The following CEP164 variants were observed in gnomAD, a reference collection of about 807,000 sequenced individuals.
The protein encoded by CEP164 is centrosomal protein of 164 kDa.
A neutral mutation model predicts 182.7 loss-of-function variants in CEP164; 162 were observed. The ratio of observed to expected loss-of-function variants is 0.89; its 90% CI spans 0.78 to 1.01. CEP164 has a LOEUF of 1.01. Among genes scored for constraint, CEP164 ranks in the 50% least tolerant of loss-of-function variants. The pLI is 0.00. For synonymous variants in CEP164, 661 were observed against 690.0 expected, an observed-to-expected ratio of 0.96 and a Z score of 0.66; for missense variants, 1,735 against 1,790.4, an observed-to-expected ratio of 0.97 and a Z score of 0.56.
chr11:117,412,114 C>A lies in CEP164; in HGVS notation c.4329C>A (p.Ser1443Arg). Residue 1443 changes from serine (S) to arginine (R), a missense_variant, in exon 33 of 33, where the codon AGC becomes AGA. Ser to Arg is a moderately radical substitution (Grantham distance 110, BLOSUM62 -1). Coordinates refer to ENST00000278935, the MANE Select transcript of CEP164 (RefSeq NM_014956.5). ...SSTPKPKATLSLLQLGLDEHN... is the reference protein window; with the variant it reads ...SSTPKPKATLRLLQLGLDEHN... ...CACCCAAGCCAAAAGCTACTTTGAG[C>A]CTCCTGCAGCTGGGCCTTGATGAGC... 1 of 1,614,188 alleles carries A rather than the reference C, an allele frequency of 6.2e-7. No individual in the cohort carries two copies. The highest frequency in any genetic ancestry group is 8.5e-7 in the Non-Finnish European group (1 of 1,180,028).
intron 30 of CEP164, chr11:117,410,611 G>T (rs1158796780): frequency 6.2e-6 from 3 of 481,840 alleles, no homozygotes; most frequent in Non-Finnish European, 1.1e-5. Context: ...GGCATTTGAG[G>T]GGAAACAAAA....
At chr11:117,356,517 A>T (rs999996331) in intron 5 of CEP164, 5 of 1,289,092 alleles carry the variant, frequency 3.9e-6, no homozygotes, top group African/African-American at 1.5e-5. Context: ...CAGCAAGCCC[A>T]TTTCCAGCCA....
At chr11:117,356,576 G>A (rs1380117346) in intron 5 of CEP164, 1 of 1,288,916 alleles carries the variant, frequency 7.8e-7, no homozygotes, top group East Asian at 5.6e-5. Flanking sequence ...CTCCAGCAGA[G>A]GGCTTACTAC....
At position 117,412,104 on chromosome 11, in the gene CEP164, C is replaced by A. The variant is rs993976062; in HGVS notation, c.4319C>A (p.Ala1440Asp). The A allele has an allele frequency of 2.5e-6, 4 of 1,614,058 alleles. No individual in the cohort carries two copies. The highest frequency in any genetic ancestry group is 3.4e-6 in the Non-Finnish European group (4 of 1,180,042). Reference sequence around the variant, plus strand: ...TTCTCGTCAACACCCAAGCCAAAAGCTACTTTGAGCCTCCTGCAGCTGGGC... The same window carrying A: ...TTCTCGTCAACACCCAAGCCAAAAGATACTTTGAGCCTCCTGCAGCTGGGC... Reference protein sequence around the residue: ...PLFSSTPKPKATLSLLQLGLD... With the variant: ...PLFSSTPKPKDTLSLLQLGLD... Residue 1440 changes from alanine (A) to aspartate (D), a missense_variant, in exon 33 of 33, where the codon GCT (alanine) becomes GAT (aspartate). Physicochemically the swap from Ala to Asp is moderately radical, Grantham distance 126. Transcript: ENST00000278935.
At chr11:117,379,384 C>T (rs968955599) in intron 11 of CEP164, among the ~76,000 whole-genome samples, 5 of 152,178 alleles carry the variant, frequency 3.3e-5, no homozygotes, top group Admixed American at 6.5e-5. Context: ...GGGGACCCTA[C>T]TGGGAAAGAT....
rs768274034 is a variant in CEP164 at position 117,409,751 on chromosome 11, C to G, written c.3882C>G (p.Leu1294=). ...SLNPQSPPPL[L]ASMPAQLPPR... ...ACCCTCAGTCGCCGCCGCCGCTCCT[C>G]GCCTCCATGCCAGCCCAGCTCCCTC... is the stretch of plus-strand genomic sequence containing the variant. Residue 1294 remains leucine (L), a synonymous_variant, in exon 30 of 33, where the codon CTC becomes CTG. Coordinates refer to ENST00000278935, the MANE Select transcript of CEP164 (RefSeq NM_014956.5). The surrounding 1 kb of genome is among the most constrained non-coding windows in gnomAD (Gnocchi z 4.4). The G allele has an allele frequency of 1.2e-6, 2 of 1,614,046 alleles. No homozygotes were observed. Among genetic ancestry groups the G allele is most frequent in the Non-Finnish European group, 1.7e-6 (2 of 1,179,952 alleles).
At chr11:117,352,103 A>G in intron 5 of CEP164, 115 bp downstream of exon 5, 1 of 853,044 alleles carries the variant, frequency 1.2e-6, no homozygotes, top group South Asian at 1.8e-5. Context: ...AATATGGTAA[A>G]TTCTTGATAG....
At chr11:117,372,697 G>A (rs1228734492) in intron 9 of CEP164, among the ~76,000 whole-genome samples, 15 of 152,162 alleles carry the variant, frequency 9.9e-5, no homozygotes, top group Admixed American at 5.2e-4. Context: ...GATTACAGGC[G>A]TGAGCCACTG....
upstream of CEP164, among the ~76,000 whole-genome samples, chr11:117,324,578 A>G (rs990713298): frequency 6.6e-6 from 1 of 152,236 alleles, no homozygotes; most frequent in Non-Finnish European, 1.5e-5. Context: ...AAACCTGATA[A>G]AATGCAAATT....
chr11:117,374,375 A>G (rs1260367070), intron 10 of CEP164, among the ~76,000 whole-genome samples: 1 of 152,148 alleles, frequency 6.6e-6, no homozygotes, highest in Non-Finnish European at 1.5e-5. Context: ...GTCTGTACCT[A>G]AGGGGAATAG....
chr11:117,327,459 CTT>C (rs760601571), upstream of CEP164, among the ~76,000 whole-genome samples: 11 of 122,600 alleles, frequency 9.0e-5, no homozygotes, highest in African/African-American at 1.2e-4. Context: ...TCGGGGTCCT[CTT>C]TTTTTTTTTT....
At position 117,391,172 on chromosome 11, in the gene CEP164, C is replaced by A; in HGVS notation, c.2240C>A (p.Ala747Asp). Residue 747 changes from alanine (A) to aspartate (D), a missense_variant, in exon 17 of 33, where the codon GCT becomes GAT. Coordinates refer to ENST00000278935, the MANE Select transcript of CEP164 (RefSeq NM_014956.5). Reference protein sequence around the residue: ...QAALNAAKEKALQQLREQLEG... With the variant: ...QAALNAAKEKDLQQLREQLEG... ...GCCCTGAATGCTGCAAAGGAGAAGG[C>A]TCTGCAGCAGCTGAGGGAGCAGCTG... 6.2e-7 allele frequency: 1 copy of A among 1,612,984 alleles called. No individual in the cohort carries two copies. Among genetic ancestry groups the A allele is most frequent in the East Asian group, 2.2e-5 (1 of 44,832 alleles).
chr11:117,348,163 G>T (rs544937485), intron 4 of CEP164, among the ~76,000 whole-genome samples: 12 of 152,006 alleles, frequency 7.9e-5, no homozygotes, highest in African/African-American at 2.9e-4. Flanking sequence ...GTAGAGATGG[G>T]GTTATGCCAT....
At chr11:117,392,698 C>G (rs2044828704) in intron 19 of CEP164, 71 bp downstream of exon 19, 1 of 1,556,456 alleles carries the variant, frequency 6.4e-7, no homozygotes, top group Non-Finnish European at 8.7e-7. Context: ...CTGAGCCGGC[C>G]TAGCCTCAGC....
Position 117,362,548 on chromosome 11 carries a change from A to C in CEP164, c.687+10A>C. 3.1e-6 allele frequency: 5 copies of C among 1,612,120 alleles called. No homozygotes were observed. The highest frequency in any genetic ancestry group is 1.7e-6 in the Non-Finnish European group (2 of 1,179,184). ...GGAAAGTGACAACCAGGTAATGATG[A>C]AGTCCTCTCCCTGGCCTGGAAACCC... On this transcript the variant is annotated intron_variant, in intron 7 of 32. Coordinates refer to ENST00000278935, the MANE Select transcript of CEP164 (RefSeq NM_014956.5).
At chr11:117,395,338 C>A in intron 23 of CEP164, 147 bp downstream of exon 23, 1 of 1,123,612 alleles carries the variant, frequency 8.9e-7, no homozygotes. Context: ...TAGTGCCACT[C>A]TGTGGACCCC....
intron 11 of CEP164, among the ~76,000 whole-genome samples, chr11:117,380,101 C>G (rs895199408): frequency 1.3e-5 from 2 of 151,972 alleles, no homozygotes; most frequent in Non-Finnish European, 2.9e-5. Flanking sequence ...GCACAGCTGT[C>G]TCTCTCATTC....
At chr11:117,327,837 C>T (rs2035555048), upstream of CEP164, 2 of 152,374 alleles carry the variant, frequency 1.3e-5, no homozygotes, top group Non-Finnish European at 1.5e-5. Flanking sequence ...TAGGCGGTAC[C>T]TTTTCCGGAA....
intron 4 of CEP164, among the ~76,000 whole-genome samples, chr11:117,347,387 T>C (rs1045954946): frequency 3.3e-5 from 5 of 152,216 alleles, no homozygotes; most frequent in Non-Finnish European, 5.9e-5. Flanking sequence ...CTAGGTCTTT[T>C]GTATTTCCAT....
Sources: allele counts gnomAD v4.1 joint callset (sites outside exome capture counted in the v4.1 genomes callset), GRCh38; gene constraint gnomAD v4.1.1; non-coding constraint Gnocchi (gnomAD v3.1); transcripts MANE v1.5; gene names NCBI Gene and HGNC (gene_info 2026-07-23, HGNC 2026-07-21).